ASB3: variants seen among roughly 807,000 people sequenced by gnomAD.
The protein encoded by ASB3 is ankyrin repeat and SOCS box containing 3, also known as ankyrin repeat and SOCS box protein 3.
In ASB3, 41 loss-of-function variants were observed where a neutral mutation model predicts 54.5. The observed-to-expected ratio is 0.75, with a 90% CI of 0.59 to 0.98. The LOEUF (loss-of-function observed/expected upper bound fraction) is 0.98. ASB3 is among the 50% of genes least tolerant of loss of function. The pLI, the probability that ASB3 is intolerant of heterozygous loss-of-function variation, is 0.00. For synonymous variants in ASB3, 266 were observed against 221.2 expected (o/e 1.20, Z -1.80); for missense variants, 733 against 620.0 (o/e 1.18, Z -1.94).
intron 1 of ASB3, among the ~76,000 whole-genome samples, chr2:53,766,471 G>A (rs542597331): frequency 6.6e-6 from 1 of 152,260 alleles, no homozygotes; most frequent in Non-Finnish European, 1.5e-5. Context: ...TTAGGAGAAT[G>A]CCCTTATTCT....
At chr2:53,673,428 C>G (rs1397026942) in intron 9 of ASB3, among the ~76,000 whole-genome samples, 1 of 152,176 alleles carries the variant, frequency 6.6e-6, no homozygotes, top group African/African-American at 2.4e-5. Context: ...TCCAGATACC[C>G]TAAAACTTAA....
intron 5 of ASB3, among the ~76,000 whole-genome samples, chr2:53,723,556 C>G (rs1670828640): frequency 1.3e-5 from 2 of 152,068 alleles, no homozygotes; most frequent in Non-Finnish European, 2.9e-5. Flanking sequence ...CTACCGACAC[C>G]ATTTTTTACA....
At chr2:53,702,691 T>C (rs764714204) in intron 7 of ASB3, among the ~76,000 whole-genome samples, 1 of 152,178 alleles carries the variant, frequency 6.6e-6, no homozygotes, top group Non-Finnish European at 1.5e-5. Context: ...GACCTTATTT[T>C]GGGGGTTTGC....
chr2:53,768,270 C>CA (rs1478109737), intron 1 of ASB3: 2 of 452,384 alleles, frequency 4.4e-6, no homozygotes, highest in Non-Finnish European at 7.9e-6. Context: ...AGCGCGGGCA[C>CA]AGGCGCACGA....
At chr2:53,701,385 A>C (rs2103769435) in intron 7 of ASB3, among the ~76,000 whole-genome samples, 1 of 152,368 alleles carries the variant, frequency 6.6e-6, no homozygotes, top group South Asian at 2.1e-4. Context: ...GCAAAAACTG[A>C]AGCTGAGTCA....
chr2:53,740,859 G>A (rs748706433), intron 3 of ASB3, among the ~76,000 whole-genome samples: 1 of 152,072 alleles, frequency 6.6e-6, no homozygotes, highest in African/African-American at 2.4e-5. Flanking sequence ...AAGACAAAAA[G>A]CTAAAATTCC....
Position 53,670,511 on chromosome 2 carries a change from C to G in ASB3, c.1549G>C (p.Asp517His). 1 of 1,613,478 alleles carries G rather than the reference C, an allele frequency of 6.2e-7. No homozygotes were observed. Among genetic ancestry groups the G allele is most frequent in the Non-Finnish European group, 8.5e-7 (1 of 1,179,902 alleles). The change falls in exon 10 of 10, where the codon GAT (aspartate) becomes CAT (histidine). Residue 517 changes from aspartate to histidine, a missense_variant. By Grantham distance (81) the Asp-to-His change is moderately conservative. Transcript: ENST00000263634. ...YEVPELAAIQDG is the reference protein window; with the variant it reads ...YEVPELAAIQHG ...TAAGTAGTTTCACTGATTTATCCATCTTGAATAGCTGCCAGTTCTGGAACT... is the reference window on the plus strand; with the variant it reads ...TAAGTAGTTTCACTGATTTATCCATGTTGAATAGCTGCCAGTTCTGGAACT...
At chr2:53,700,571 T>C (rs1669431891) in intron 7 of ASB3, 43 bp from the exon 8 acceptor site, 4 of 1,563,244 alleles carry the variant, frequency 2.6e-6, no homozygotes, top group Non-Finnish European at 3.4e-6. Flanking sequence ...GAAGTTAGAC[T>C]TTGACATAAG....
intron 1 of ASB3, among the ~76,000 whole-genome samples, chr2:53,783,077 AT>A (rs538458037): frequency 2.0e-4 from 30 of 149,070 alleles, no homozygotes; most frequent in Non-Finnish European, 2.8e-4. Flanking sequence ...CCCGCCAAGA[AT>A]TTTTTTTTTT....
chr2:53,731,307 C>A (rs758093771), intron 3 of ASB3, among the ~76,000 whole-genome samples: 1 of 152,158 alleles, frequency 6.6e-6, no homozygotes, highest in Non-Finnish European at 1.5e-5. Context: ...GAGGCTGAGG[C>A]AGGAGAATCG....
chr2:53,783,483 A>G (rs1280275341), intron 1 of ASB3, among the ~76,000 whole-genome samples: 1 of 152,232 alleles, frequency 6.6e-6, no homozygotes, highest in Non-Finnish European at 1.5e-5. Flanking sequence ...AAAATTTCCC[A>G]GAAGTGAAAA....
At position 53,747,936 on chromosome 2, in the gene ASB3, C is replaced by T. The variant is rs760212049; in HGVS notation, c.355+2847G>A. 3.4e-4 allele frequency among the ~76,000 whole-genome samples: 52 copies of T among 152,278 alleles called. 1 individual carries two copies. The Middle Eastern group carries it at 0.017, about 50-fold the overall frequency. ...TTCGCAAATGTATGTGATTAGGAAA[C>T]CTTTTGTCAATAAACATGTTTTTAA... On this transcript the variant is annotated intron_variant, in intron 3 of 9. Coordinates refer to ENST00000263634, the MANE Select transcript of ASB3 (RefSeq NM_016115.5).
chr2:53,700,511 A>G lies in ASB3; in HGVS notation c.998T>C (p.Ile333Thr), dbSNP rs1454588279. The change falls in exon 8 of 10, where the codon ATT becomes ACT. Residue 333 changes from isoleucine (I) to threonine (T), a missense_variant. Coordinates refer to ENST00000263634, the MANE Select transcript of ASB3 (RefSeq NM_016115.5). Reference protein sequence around the residue: ...AFQKDCEFFGIVNILLKYGAQ... With the variant: ...AFQKDCEFFGTVNILLKYGAQ... ...TCCATATTTCAAAAGAATGTTCACA[A>G]TTCCAAAGAACTCACAGCTCCACCA... The G allele has an allele frequency of 1.2e-6, 2 of 1,610,398 alleles. No homozygotes were observed. The highest frequency in any genetic ancestry group is 1.7e-6 in the Non-Finnish European group (2 of 1,178,786).
intron 9 of ASB3, among the ~76,000 whole-genome samples, chr2:53,691,430 G>A (rs1442432461): frequency 6.6e-6 from 1 of 152,116 alleles, no homozygotes; most frequent in African/African-American, 2.4e-5. Flanking sequence ...AGAGGTGCAA[G>A]AAGTATCTTT....
chr2:53,774,416 C>A, intron 1 of ASB3: 1 of 1,612,470 alleles, frequency 6.2e-7, no homozygotes, highest in Non-Finnish European at 8.5e-7. Flanking sequence ...TTTGAACTTG[C>A]AAATTCTATT....
At chr2:53,775,467 G>C (rs1179021930) in intron 1 of ASB3, among the ~76,000 whole-genome samples, 1 of 151,928 alleles carries the variant, frequency 6.6e-6, no homozygotes, top group Admixed American at 6.6e-5. Context: ...GGCACCTCCT[G>C]GAATTATAAT....
chr2:53,730,267 T>C (rs1005518692), intron 3 of ASB3, among the ~76,000 whole-genome samples: 5 of 152,174 alleles, frequency 3.3e-5, no homozygotes, highest in Non-Finnish European at 7.4e-5. Flanking sequence ...ATAAAATAAG[T>C]ACAAACACAC....
intron 7 of ASB3, among the ~76,000 whole-genome samples, chr2:53,710,499 T>A (rs1388610282): frequency 6.6e-6 from 1 of 152,220 alleles, no homozygotes; most frequent in Admixed American, 6.5e-5. Context: ...ATTAATTGCT[T>A]TTTCCCATGA....
rs571176458 is a variant in ASB3 at position 53,768,607 on chromosome 2, T to C, written c.-13-3022A>G. Among the ~76,000 whole-genome samples, 65 of 152,350 alleles carry C rather than the reference T, an allele frequency of 4.3e-4. No homozygotes were observed. In the South Asian group the frequency reaches 0.013, roughly 32 times the overall value. The stretch of plus-strand genomic sequence containing the variant: ...TTAAGGAACTCACTTTGGTTTTCAG[T>C]ACTAGTGAAGTTAAATGAAGTTCTG... On this transcript the variant is annotated intron_variant, in intron 1 of 9. Coordinates refer to ENST00000263634, the MANE Select transcript of ASB3 (RefSeq NM_016115.5).
Sources: gnomAD v4.1 joint callset for allele counts (sites outside exome capture counted in the v4.1 genomes callset) on GRCh38, gnomAD v4.1.1 for gene constraint, MANE v1.5 for transcripts, NCBI Gene and HGNC (gene_info 2026-07-23, HGNC 2026-07-21) for gene names.